The following GRIK1 variants were observed in gnomAD, a reference collection of about 807,000 sequenced individuals.
GRIK1 encodes the protein glutamate receptor ionotropic, kainate 1.
Under a neutral mutation model 105.7 loss-of-function variants are expected in GRIK1, and 69 were observed. The ratio of observed to expected loss-of-function variants is 0.65; its 90% CI spans 0.54 to 0.80. The LOEUF (loss-of-function observed/expected upper bound fraction) is 0.80, where lower values mean the gene tolerates loss of function less well. Among genes scored for constraint, GRIK1 ranks in the 30% least tolerant of loss-of-function variants. The probability of loss-of-function intolerance (pLI) is 0.00; values close to 1 mark genes in which losing one functional copy is unlikely to be tolerated. For synonymous variants in GRIK1, 438 were observed against 431.3 expected (o/e 1.02, Z -0.19); for missense variants, 1,109 against 1,167.3 (o/e 0.95, Z 0.73).
At chr21:29,904,559 T>A (rs540341952) in intron 1 of GRIK1, among the ~76,000 whole-genome samples, 2 of 152,270 alleles carry the variant, frequency 1.3e-5, no homozygotes, top group African/African-American at 4.8e-5. Context: ...TGTTCAGCCC[T>A]CAATGACTCA....
At chr21:29,743,321 G>T (rs768864558) in intron 1 of GRIK1, among the ~76,000 whole-genome samples, 5 of 152,184 alleles carry the variant, frequency 3.3e-5, no homozygotes, top group Non-Finnish European at 7.3e-5. Flanking sequence ...TTGGAGAGAA[G>T]TTAAAGTGGT....
intron 1 of GRIK1, among the ~76,000 whole-genome samples, chr21:29,717,575 G>A (rs778947096): frequency 4.6e-5 from 7 of 152,212 alleles, no homozygotes; most frequent in Non-Finnish European, 8.8e-5. Context: ...ACTTGCTTGG[G>A]GCCTGTGGCC....
Position 29,888,180 on chromosome 21 carries a change from TCTTC to T in GRIK1, c.118+51199_118+51202del, listed in dbSNP as rs1336727860. ...TTTCTTTTTTCTTTCTTTCTTTCTT[TCTTC>T]CTTTCTTTCTTTCTCTCTCTCTCTC... On this transcript the variant is annotated intron_variant, in intron 1 of 17. Transcript: ENST00000327783. 1.3e-3 allele frequency among the ~76,000 whole-genome samples: 16 copies of T among 12,716 alleles called. 3 individuals are homozygous for T. Among genetic ancestry groups the T allele is most frequent in the Non-Finnish European group, 4.3e-3 (14 of 3,226 alleles). The allele number at this position is 12,716 out of a possible 152,430, so 8.3% of individuals were successfully genotyped here.
intron 1 of GRIK1, among the ~76,000 whole-genome samples, chr21:29,705,942 C>T (rs2063898829): frequency 6.7e-6 from 1 of 148,540 alleles, no homozygotes; most frequent in South Asian, 2.1e-4. Context: ...GATGCAGTCT[C>T]GGCTCGCTGC....
intron 1 of GRIK1, among the ~76,000 whole-genome samples, chr21:29,879,708 C>T (rs1252092484): frequency 1.3e-5 from 2 of 151,994 alleles, no homozygotes; most frequent in African/African-American, 4.8e-5. Context: ...CATCTAAAGA[C>T]ATTTTAGGAA....
chr21:29,887,416 G>A (rs2069670952), intron 1 of GRIK1, among the ~76,000 whole-genome samples: 1 of 152,164 alleles, frequency 6.6e-6, no homozygotes, highest in African/African-American at 2.4e-5. Flanking sequence ...GCTCTTCTGA[G>A]GGACTCATCA....
chr21:29,711,165 A>T (rs2064039909), intron 1 of GRIK1, among the ~76,000 whole-genome samples: 1 of 152,168 alleles, frequency 6.6e-6, no homozygotes, highest in South Asian at 2.1e-4. Context: ...TCATTTTCAT[A>T]TTACAGTCAC....
At chr21:29,885,465 G>T (rs1057327029) in intron 1 of GRIK1, among the ~76,000 whole-genome samples, 1 of 152,038 alleles carries the variant, frequency 6.6e-6, no homozygotes, top group East Asian at 1.9e-4. Context: ...TTGTGATATA[G>T]AATTGGTGGG....
chr21:29,843,184 T>C (rs532463588), intron 1 of GRIK1, among the ~76,000 whole-genome samples: 6 of 152,232 alleles, frequency 3.9e-5, no homozygotes, highest in African/African-American at 1.4e-4. Flanking sequence ...ACTTGTTGGA[T>C]TGGTGAATGA....
intron 1 of GRIK1, among the ~76,000 whole-genome samples, chr21:29,708,735 C>A (rs1237746342): frequency 6.6e-6 from 1 of 152,214 alleles, no homozygotes; most frequent in Non-Finnish European, 1.5e-5. Context: ...CTGCAACAGA[C>A]TCACTACAGC....
chr21:29,587,990 T>TTTTTTTTTTTTTTTTTTTTTTTTTTG (rs1491321446), intron 11 of GRIK1, among the ~76,000 whole-genome samples: 1 of 131,220 alleles, frequency 7.6e-6, no homozygotes, highest in African/African-American at 3.2e-5. Context: ...TTTTTTTTTT[T>TTTTTTTTTTTTTTTTTTTTTTTTTTG]GTGAGGCGGA....
At chr21:29,570,340 A>C (rs2090712105) in intron 14 of GRIK1, among the ~76,000 whole-genome samples, 1 of 152,052 alleles carries the variant, frequency 6.6e-6, no homozygotes, top group South Asian at 2.1e-4. Flanking sequence ...GTCTCTACTA[A>C]AAATAAAAAA....
intron 1 of GRIK1, among the ~76,000 whole-genome samples, chr21:29,743,258 C>T (rs1213949990): frequency 6.6e-6 from 1 of 152,076 alleles, no homozygotes; most frequent in Admixed American, 6.6e-5. Context: ...CAACTTTTCT[C>T]ATGCTTTAAA....
chr21:29,730,915 G>T (rs1236694726), intron 1 of GRIK1, among the ~76,000 whole-genome samples: 1 of 152,138 alleles, frequency 6.6e-6, no homozygotes, highest in Non-Finnish European at 1.5e-5. Context: ...ACAAGTTTAA[G>T]ACAGTTTTGT....
intron 15 of GRIK1, among the ~76,000 whole-genome samples, chr21:29,555,842 TA>T (rs1242812095): frequency 6.6e-6 from 1 of 152,138 alleles, no homozygotes; most frequent in Non-Finnish European, 1.5e-5. Context: ...GCCTTGGACT[TA>T]AAAAATAAAC....
rs1206635692 is a variant in GRIK1, at chr21:29,710,824, CT to C, written c.119-16762del. 1.8e-4 allele frequency among the ~76,000 whole-genome samples: 21 copies of C among 115,028 alleles called. No homozygotes were observed. In the South Asian group the frequency reaches 7.0e-3, roughly 38 times the overall value. 75.5% of individuals were successfully genotyped at this position (115,028 alleles called of 152,430 possible). On this transcript the variant is annotated intron_variant, in intron 1 of 17. Coordinates refer to ENST00000327783, the MANE Select transcript of GRIK1 (RefSeq NM_001330994.2). Reference sequence around the variant, plus strand: ...CCTTCCTTCCTTCCTTCCTTCCTTCCTTCCTTCCTTCCTTCCTTTTCTCTCC... The same window carrying C: ...CCTTCCTTCCTTCCTTCCTTCCTTCCTCCTTCCTTCCTTCCTTTTCTCTCC...
At chr21:29,553,682 A>G in intron 16 of GRIK1, 3 of 1,582,272 alleles carry the variant, frequency 1.9e-6, no homozygotes, top group Non-Finnish European at 2.6e-6. Context: ...CTTACATTGC[A>G]GTCCATAAAA....
chr21:29,557,267 A>G (rs1003552266), intron 15 of GRIK1, among the ~76,000 whole-genome samples: 2 of 152,218 alleles, frequency 1.3e-5, no homozygotes, highest in African/African-American at 4.8e-5. Context: ...TTCTTGGTGG[A>G]AGCACATTGA....
intron 1 of GRIK1, among the ~76,000 whole-genome samples, chr21:29,889,842 A>G (rs1292300531): frequency 6.6e-6 from 1 of 152,092 alleles, no homozygotes; most frequent in Non-Finnish European, 1.5e-5. Context: ...ATTAAATAGA[A>G]TTATCCATAA....
Sources: gnomAD v4.1 joint callset for allele counts (sites outside exome capture counted in the v4.1 genomes callset) on GRCh38, gnomAD v4.1.1 for gene constraint, MANE v1.5 for transcripts, NCBI Gene and HGNC (gene_info 2026-07-23, HGNC 2026-07-21) for gene names.